ADAMTSL1: variants seen among roughly 807,000 people sequenced by gnomAD.
ADAMTSL1 encodes ADAMTS-like protein 1.
In ADAMTSL1, 126 loss-of-function variants were observed where a neutral mutation model predicts 201.8. The observed-to-expected ratio is 0.62, with a 90% confidence interval of 0.54 to 0.72. The LOEUF (loss-of-function observed/expected upper bound fraction) is 0.72, where lower values mean the gene tolerates loss of function less well. Ranked by LOEUF, ADAMTSL1 falls within the 30% of genes least tolerant of loss-of-function variation. ADAMTSL1 has a pLI of 0.00. For missense variants in ADAMTSL1, 2,679 were observed against 2,277.8 expected, an observed-to-expected ratio of 1.18 and a Z score of -3.59; for synonymous variants, 1,121 against 903.4, an observed-to-expected ratio of 1.24 and a Z score of -4.32.
intron 20 of ADAMTSL1, among the ~76,000 whole-genome samples, chr9:18,809,337 G>T (rs1274280744): frequency 6.6e-6 from 1 of 152,226 alleles, no homozygotes; most frequent in Admixed American, 6.5e-5. Context: ...GTAGGTGGAA[G>T]ATGTCAGGGA....
chr9:17,994,541 T>C (rs1382568606), intron 1 of ADAMTSL1, among the ~76,000 whole-genome samples: 1 of 152,220 alleles, frequency 6.6e-6, no homozygotes, highest in Non-Finnish European at 1.5e-5. Flanking sequence ...TTTTGTGTTG[T>C]ACTTTTTGGT....
intron 2 of ADAMTSL1, among the ~76,000 whole-genome samples, chr9:18,438,737 C>T (rs1819863432): frequency 6.6e-6 from 1 of 152,150 alleles, no homozygotes; most frequent in Non-Finnish European, 1.5e-5. Context: ...CTAGTGAGGA[C>T]CCTGCACTCA....
At chr9:18,886,459 G>T (rs1053784063) in intron 23 of ADAMTSL1, among the ~76,000 whole-genome samples, 6 of 152,108 alleles carry the variant, frequency 3.9e-5, no homozygotes, top group Admixed American at 1.3e-4. Context: ...ACAGAGGGTA[G>T]CCGCCTGTCT....
intron 1 of ADAMTSL1, among the ~76,000 whole-genome samples, chr9:17,997,458 A>T (rs1819430225): frequency 6.6e-6 from 1 of 152,032 alleles, no homozygotes; most frequent in Non-Finnish European, 1.5e-5. Context: ...ACTCCTAAAC[A>T]CTCTAGCCAG....
At chr9:17,933,947 C>T (rs946764402) in intron 1 of ADAMTSL1, among the ~76,000 whole-genome samples, 4 of 152,258 alleles carry the variant, frequency 2.6e-5, no homozygotes, top group African/African-American at 4.8e-5. Flanking sequence ...TTTTGGTGGG[C>T]TGTTTGGTTC....
At chr9:18,659,075 T>C (rs1421839470) in intron 8 of ADAMTSL1, among the ~76,000 whole-genome samples, 2 of 152,244 alleles carry the variant, frequency 1.3e-5, no homozygotes, top group Non-Finnish European at 2.9e-5. Context: ...GTCTATTCTT[T>C]TGAAAATTAG....
At position 18,908,646 on chromosome 9, in the gene ADAMTSL1, T is replaced by TC. The variant is rs1421025263; in HGVS notation, c.*103dup. Reference sequence around the variant, plus strand: ...GCTTTCTTCATTTTATTTATTTATTTCCCCCTCCCCACTCCACACACACCC... The same window carrying TC: ...GCTTTCTTCATTTTATTTATTTATTTCCCCCCTCCCCACTCCACACACACCC... On this transcript the variant is annotated 3_prime_UTR_variant, in exon 29 of 29. Transcript: ENST00000380548. 1.7e-5 allele frequency: 17 copies of TC among 977,276 alleles called. No individual in the cohort carries two copies. The highest frequency in any genetic ancestry group is 2.4e-5 in the Non-Finnish European group (16 of 662,336). The allele number at this position is 977,276 out of a possible 1,614,324, so 60.5% of individuals were successfully genotyped here.
At chr9:18,132,458 T>C (rs1236682640) in intron 1 of ADAMTSL1, among the ~76,000 whole-genome samples, 1 of 152,174 alleles carries the variant, frequency 6.6e-6, no homozygotes, top group African/African-American at 2.4e-5. Context: ...CTAACTACTC[T>C]TAATTGTTAA....
At chr9:18,545,413 A>T (rs933586531) in intron 3 of ADAMTSL1, among the ~76,000 whole-genome samples, 2 of 152,136 alleles carry the variant, frequency 1.3e-5, no homozygotes, top group Non-Finnish European at 2.9e-5. Context: ...AAACAGCAAA[A>T]CTGAGATCCA....
chr9:17,999,380 C>G (rs10963388), intron 1 of ADAMTSL1, among the ~76,000 whole-genome samples: 56,649 of 151,632 alleles, frequency 0.37, 10,825 homozygotes, highest in African/African-American at 0.43. Flanking sequence ...ATGCTTCTCC[C>G]AGAATTATCC....
chr9:18,522,145 G>A (rs1238161958), intron 2 of ADAMTSL1, among the ~76,000 whole-genome samples: 1 of 152,100 alleles, frequency 6.6e-6, no homozygotes, highest in Non-Finnish European at 1.5e-5. Context: ...ACTACTAGAG[G>A]GAGGAGGAGA....
intron 16 of ADAMTSL1, among the ~76,000 whole-genome samples, chr9:18,753,822 G>A (rs563596151): frequency 9.2e-5 from 14 of 152,240 alleles, no homozygotes; most frequent in Admixed American, 7.8e-4. Context: ...ACAATGTGGT[G>A]GGTTTGCCAT....
At chr9:18,850,310 G>A (rs1191395287) in intron 23 of ADAMTSL1, among the ~76,000 whole-genome samples, 1 of 152,210 alleles carries the variant, frequency 6.6e-6, no homozygotes, top group Non-Finnish European at 1.5e-5. Context: ...AAGTCCATCA[G>A]TGGGAAAACA....
chr9:17,935,876 G>T (rs1360671154), intron 1 of ADAMTSL1, among the ~76,000 whole-genome samples: 1 of 152,150 alleles, frequency 6.6e-6, no homozygotes, highest in East Asian at 1.9e-4. Flanking sequence ...CATGACTCAG[G>T]TTATGCTACT....
chr9:18,242,588 G>T (rs1184071808), intron 2 of ADAMTSL1, among the ~76,000 whole-genome samples: 1 of 151,962 alleles, frequency 6.6e-6, no homozygotes, highest in Non-Finnish European at 1.5e-5. Flanking sequence ...TTTGAAGGTG[G>T]TATGATCTAT....
chr9:18,524,853 T>C (rs1179385364), intron 2 of ADAMTSL1, among the ~76,000 whole-genome samples: 1 of 152,220 alleles, frequency 6.6e-6, no homozygotes, highest in African/African-American at 2.4e-5. Flanking sequence ...CAGTATTTTA[T>C]TGAGGATTTT....
chr9:18,642,145 C>T (rs955317013), intron 7 of ADAMTSL1, among the ~76,000 whole-genome samples: 1 of 151,986 alleles, frequency 6.6e-6, no homozygotes, highest in Admixed American at 6.6e-5. Flanking sequence ...GTGGTGCTTA[C>T]ACAGAGGCCA....
chr9:18,798,430 A>C (rs957891267), intron 20 of ADAMTSL1, among the ~76,000 whole-genome samples: 1 of 152,256 alleles, frequency 6.6e-6, no homozygotes, highest in African/African-American at 2.4e-5. Flanking sequence ...ATCATTCATA[A>C]AAAATGTTTA....
chr9:18,381,204 A>G (rs1837541598), intron 2 of ADAMTSL1, among the ~76,000 whole-genome samples: 1 of 152,184 alleles, frequency 6.6e-6, no homozygotes, highest in Non-Finnish European at 1.5e-5. Flanking sequence ...CACTACATTA[A>G]TTATCTGGGT....
Sources: allele counts gnomAD v4.1 joint callset (sites outside exome capture counted in the v4.1 genomes callset), GRCh38; gene constraint gnomAD v4.1.1; transcripts MANE v1.5; gene names NCBI Gene and HGNC (gene_info 2026-07-23, HGNC 2026-07-21).